FGF10: variants seen among roughly 807,000 people sequenced by gnomAD.
The protein encoded by FGF10 is fibroblast growth factor 10, also known as FGF-10.
FGF10 carries 2 observed loss-of-function variants against 19.8 expected under a neutral mutation model. That is an observed-to-expected ratio of 0.10 (90% CI 0.04 to 0.32). The LOEUF (loss-of-function observed/expected upper bound fraction) is 0.32. FGF10 is among the 10% of genes least tolerant of loss of function. The probability of loss-of-function intolerance (pLI) is 1.00; values close to 1 mark genes in which losing one functional copy is unlikely to be tolerated. For missense variants in FGF10, 191 were observed against 246.3 expected, an observed-to-expected ratio of 0.78 and a Z score of 1.50; for synonymous variants, 112 against 94.0, an observed-to-expected ratio of 1.19 and a Z score of -1.10.
At position 44,301,727 on chromosome 5, in the gene FGF10, T is replaced by C. The variant is rs375144543; in HGVS notation, c.*3268A>G. Among the ~76,000 whole-genome samples the C allele has an allele frequency of 1.3e-5, 2 of 151,798 alleles. No individual in the cohort carries two copies. The highest frequency in any genetic ancestry group is 2.9e-5 in the Non-Finnish European group (2 of 67,908). The stretch of plus-strand genomic sequence containing the variant: ...AGAAAACTTACAAATGTTTGAGTAA[T>C]TTTTTTTTCTGTTGTTGTTGTTTGG... On this transcript the variant is annotated 3_prime_UTR_variant, in exon 3 of 3. Transcript: ENST00000264664.
chr5:44,358,767 C>T (rs1274373177), intron 1 of FGF10, among the ~76,000 whole-genome samples: 3 of 151,496 alleles, frequency 2.0e-5, no homozygotes, highest in Non-Finnish European at 3.0e-5. Flanking sequence ...GACATGTAGA[C>T]AGTAAGAAAC....
intron 1 of FGF10, among the ~76,000 whole-genome samples, chr5:44,329,054 G>A (rs1027719172): frequency 6.6e-6 from 1 of 152,124 alleles, no homozygotes; most frequent in African/African-American, 2.4e-5. Context: ...ATTTCAAGTG[G>A]ATTCCAACCC....
chr5:44,306,271 C>T (rs1160521533), intron 2 of FGF10, among the ~76,000 whole-genome samples: 1 of 152,124 alleles, frequency 6.6e-6, no homozygotes, highest in Non-Finnish European at 1.5e-5. Flanking sequence ...TTGGTGGGCG[C>T]CTGTAATCTC....
intron 1 of FGF10, among the ~76,000 whole-genome samples, chr5:44,341,892 G>A (rs1404441185): frequency 6.6e-6 from 1 of 151,938 alleles, no homozygotes; most frequent in Non-Finnish European, 1.5e-5. Context: ...TTAAGGTATG[G>A]AAAGTATTCA....
chr5:44,357,301 CAA>C (rs1041244406), intron 1 of FGF10, among the ~76,000 whole-genome samples: 6 of 151,360 alleles, frequency 4.0e-5, no homozygotes, highest in Non-Finnish European at 8.9e-5. Flanking sequence ...TGTTTTTGCA[CAA>C]AGTCACAGCT....
intron 1 of FGF10, among the ~76,000 whole-genome samples, chr5:44,357,375 A>T (rs1000785176): frequency 6.6e-6 from 1 of 151,412 alleles, no homozygotes; most frequent in African/African-American, 2.4e-5. Flanking sequence ...TTTTCTTATT[A>T]GTTTATAGAT....
Position 44,389,119 on chromosome 5 carries a change from A to AT in FGF10, c.-438_-437insA. The AT allele has an allele frequency of 1.7e-5, 5 of 295,610 alleles. No homozygotes were observed. The highest frequency in any genetic ancestry group is 1.1e-4 in the South Asian group (3 of 28,322). 18.3% of individuals were successfully genotyped at this position (295,610 alleles called of 1,614,324 possible). A position where few individuals can be genotyped will look rare whatever the true frequency, so the allele number is the denominator to read the frequency against. ...GGGAGGTGGGGTGGGGAATAGGGGG[A>AT]GATATCTGCACCCCTCTGCGGTTGG... On this transcript the variant is annotated 5_prime_UTR_variant, in exon 1 of 3. Transcript: ENST00000264664.
intron 1 of FGF10, among the ~76,000 whole-genome samples, chr5:44,349,444 AT>A (rs1741173569): frequency 8.6e-5 from 1 of 11,606 alleles, no homozygotes; most frequent in South Asian, 2.3e-3. Context: ...ATATATATAT[AT>A]ATATATATAT....
chr5:44,333,757 A>G (rs1740788419), intron 1 of FGF10, among the ~76,000 whole-genome samples: 1 of 152,150 alleles, frequency 6.6e-6, no homozygotes, highest in Non-Finnish European at 1.5e-5. Flanking sequence ...TATTTTCAAC[A>G]GCTGCCTCTT....
In FGF10 at chr5:44,388,529, A is replaced by T. The variant is rs762714965; in HGVS notation, c.154T>A (p.Ser52Thr). The T allele has an allele frequency of 1.2e-6, 2 of 1,614,166 alleles. No homozygotes were observed. Among genetic ancestry groups the T allele is most frequent in the East Asian group, 2.2e-5 (1 of 44,854 alleles). The change falls in exon 1 of 3, where the codon TCT (serine) becomes ACT (threonine). Residue 52 changes from serine to threonine, a missense_variant. Ser to Thr is a moderately conservative substitution (Grantham distance 58). Coordinates refer to ENST00000264664, the MANE Select transcript of FGF10 (RefSeq NM_004465.2). ...GGAGAGGAGAAGGAGGAGGAAGAAG[A>T]GTTGGTGGCCTCTGGTGACACCATG... ...QDMVSPEATN[S>T]SSSSFSSPSS...
intron 1 of FGF10, among the ~76,000 whole-genome samples, chr5:44,386,303 A>G (rs1435435379): frequency 6.6e-6 from 1 of 152,186 alleles, no homozygotes; most frequent in Non-Finnish European, 1.5e-5. Context: ...GTCATATCAT[A>G]AAGACATTTA....
chr5:44,352,913 T>C (rs1225728998), intron 1 of FGF10, among the ~76,000 whole-genome samples: 1 of 151,654 alleles, frequency 6.6e-6, no homozygotes, highest in African/African-American at 2.4e-5. Flanking sequence ...ATAAAAACTT[T>C]CAGTCTTCCT....
Position 44,304,939 on chromosome 5 carries a change from A to G in FGF10, c.*56T>C. 1 of 1,488,284 alleles carries G rather than the reference A, an allele frequency of 6.7e-7. No individual in the cohort carries two copies. The highest frequency in any genetic ancestry group is 9.4e-7 in the Non-Finnish European group (1 of 1,065,750). 92.2% of individuals were successfully genotyped at this position (1,488,284 alleles called of 1,614,324 possible). On this transcript the variant is annotated 3_prime_UTR_variant, in exon 3 of 3. Coordinates refer to ENST00000264664, the MANE Select transcript of FGF10 (RefSeq NM_004465.2). ...TCTACTGTCTTCATGAAGAATATCC[A>G]CTATTCTTGGCAAAAGAGCCATTGG...
In FGF10 at chr5:44,388,756, G is replaced by T. The variant is rs930599819; in HGVS notation, c.-74C>A. On this transcript the variant is annotated 5_prime_UTR_variant, in exon 1 of 3. An upstream open reading frame in the 5' UTR gains an earlier in-frame stop. Coordinates refer to ENST00000264664, the MANE Select transcript of FGF10 (RefSeq NM_004465.2). ...CTGGAAGGGTAAGACCCGATGCAAG[G>T]CAAGGAGAGAGCTCGAGGTGGTGGC... is the stretch of plus-strand genomic sequence containing the variant. 1.3e-6 allele frequency: 2 copies of T among 1,511,302 alleles called. No homozygotes were observed. Among genetic ancestry groups the T allele is most frequent in the Non-Finnish European group, 1.8e-6 (2 of 1,093,478 alleles). The allele number at this position is 1,511,302 out of a possible 1,614,324, so 93.6% of individuals were successfully genotyped here.
chr5:44,337,452 G>A (rs958330270), intron 1 of FGF10, among the ~76,000 whole-genome samples: 2 of 152,070 alleles, frequency 1.3e-5, no homozygotes, highest in East Asian at 3.9e-4. Context: ...AGAAAGATAA[G>A]TATTAAAAAG....
rs534618184 is a variant in FGF10 at position 44,305,750 on chromosome 5, T to C, written c.430-558A>G. Among the ~76,000 whole-genome samples the C allele has an allele frequency of 9.9e-5, 15 of 152,254 alleles. 1 individual carries two copies. The highest frequency in any genetic ancestry group is 2.6e-4 in the Admixed American group (4 of 15,292). ...GGGGGGGATGTCTTTCTTCCAAATA[T>C]CAAATTTCTTAATTTAATGAAATTA... On this transcript the variant is annotated intron_variant, in intron 2 of 2. Coordinates refer to ENST00000264664, the MANE Select transcript of FGF10 (RefSeq NM_004465.2).
intron 1 of FGF10, among the ~76,000 whole-genome samples, chr5:44,358,583 A>T (rs1741402708): frequency 6.6e-6 from 1 of 151,514 alleles, no homozygotes; most frequent in Non-Finnish European, 1.5e-5. Context: ...TGTAGTATGC[A>T]CAGAGTGTCA....
At chr5:44,354,498 T>C (rs757255261) in intron 1 of FGF10, among the ~76,000 whole-genome samples, 1 of 151,498 alleles carries the variant, frequency 6.6e-6, no homozygotes, top group Non-Finnish European at 1.5e-5. Flanking sequence ...TACTCTTACA[T>C]CTAATTGCAT....
At position 44,388,921 on chromosome 5, in the gene FGF10, G is replaced by A; in HGVS notation, c.-239C>T. ...CGCCTCTGGAGCCTCCCGGTAAATGGTGGACGTGGGTGGCCGCAGCAGCAG... is the reference window on the plus strand; with the variant it reads ...CGCCTCTGGAGCCTCCCGGTAAATGATGGACGTGGGTGGCCGCAGCAGCAG... On this transcript the variant is annotated 5_prime_UTR_variant, in exon 1 of 3. Transcript: ENST00000264664. The A allele has an allele frequency of 1.7e-6, 1 of 584,952 alleles. No homozygotes were observed. Among genetic ancestry groups the A allele is most frequent in the Non-Finnish European group, 3.1e-6 (1 of 325,544 alleles). 36.2% of individuals were successfully genotyped at this position (584,952 alleles called of 1,614,324 possible).
Sources: allele counts gnomAD v4.1 joint callset (sites outside exome capture counted in the v4.1 genomes callset), GRCh38; gene constraint gnomAD v4.1.1; transcripts MANE v1.5; gene names NCBI Gene and HGNC (gene_info 2026-07-23, HGNC 2026-07-21).